Variants in UBR3 observed in about 807,000 individuals in gnomAD.
The protein encoded by UBR3 is ubiquitin protein ligase E3 component n-recognin 3, also known as E3 ubiquitin-protein ligase UBR3.
Under a neutral mutation model 243.2 loss-of-function variants are expected in UBR3, and 85 were observed. That is an observed-to-expected ratio of 0.35 (90% CI 0.29 to 0.42). The LOEUF (loss-of-function observed/expected upper bound fraction) is 0.42. Ranked by LOEUF, UBR3 falls within the 10% of genes least tolerant of loss-of-function variation. UBR3 has a pLI of 1.00. For missense variants in UBR3, 1,686 were observed against 2,300.8 expected (o/e 0.73, Z 5.47); for synonymous variants, 748 against 799.8 (o/e 0.94, Z 1.09).
intron 38 of UBR3, 55 bp downstream of exon 38, chr2:170,080,739 C>T (rs1044921976): frequency 1.6e-5 from 25 of 1,553,156 alleles, no homozygotes; most frequent in Non-Finnish European, 2.2e-5. Flanking sequence ...TCAGTGAAAA[C>T]CAATATGCTA....
intron 19 of UBR3, among the ~76,000 whole-genome samples, chr2:169,938,239 T>TA (rs1335852081): frequency 1.3e-5 from 2 of 152,158 alleles, no homozygotes; most frequent in African/African-American, 2.4e-5. Flanking sequence ...ATACTAGACT[T>TA]ATCAGTTATA....
chr2:169,897,793 G>A (rs2084648985), intron 8 of UBR3, among the ~76,000 whole-genome samples: 1 of 152,100 alleles, frequency 6.6e-6, no homozygotes. Flanking sequence ...GAGACACCAC[G>A]CTTGGCCAAT....
At chr2:170,001,277 T>A in intron 26 of UBR3, 27 bp from the exon 27 acceptor site, 2 of 1,473,132 alleles carry the variant, frequency 1.4e-6, no homozygotes, top group Non-Finnish European at 1.9e-6. Flanking sequence ...TAAAATTAAT[T>A]GTATTTGTCT....
intron 11 of UBR3, among the ~76,000 whole-genome samples, chr2:169,921,971 A>G (rs1333858425): frequency 1.3e-5 from 2 of 151,980 alleles, no homozygotes; most frequent in South Asian, 2.1e-4. Context: ...AGTCTGGGGG[A>G]CAGTGCGAGA....
intron 23 of UBR3, among the ~76,000 whole-genome samples, chr2:169,954,662 G>A (rs2087195049): frequency 7.0e-6 from 1 of 143,280 alleles, no homozygotes. Context: ...TGCAACCTCT[G>A]CCTCCTAGGT....
At chr2:170,004,989 C>T (rs1574380413) in intron 27 of UBR3, among the ~76,000 whole-genome samples, 1 of 151,754 alleles carries the variant, frequency 6.6e-6, no homozygotes, top group Admixed American at 6.6e-5. Context: ...TTTGGGAGGC[C>T]GAGGCGGATG....
In UBR3 at chr2:170,073,607, G is replaced by T; in HGVS notation, c.5199G>T (p.Lys1733Asn). 6.2e-7 allele frequency: 1 copy of T among 1,611,900 alleles called. No homozygotes were observed. Reference protein sequence around the residue: ...SFTERHAEQGKALLIQESKWK... With the variant: ...SFTERHAEQGNALLIQESKWK... Reference sequence around the variant, plus strand: ...CTGAAAGACATGCAGAACAAGGAAAGGTATGTTAAAAGAGTTGTACTAGCT... The same window carrying T: ...CTGAAAGACATGCAGAACAAGGAAATGTATGTTAAAAGAGTTGTACTAGCT... Residue 1733 changes from lysine to asparagine, a missense_variant and splice_region_variant, in exon 36 of 39, where the codon AAG becomes AAT. Lys to Asn is a moderately conservative substitution (Grantham distance 94, BLOSUM62 0). Transcript: ENST00000272793.
intron 35 of UBR3, among the ~76,000 whole-genome samples, chr2:170,066,147 T>C (rs1275304016): frequency 6.6e-6 from 1 of 152,214 alleles, no homozygotes; most frequent in African/African-American, 2.4e-5. Context: ...TAGCAGTACA[T>C]TTTTTAATCA....
chr2:170,057,032 TTC>T (rs1239153664), intron 33 of UBR3, among the ~76,000 whole-genome samples: 6 of 152,228 alleles, frequency 3.9e-5, no homozygotes, highest in African/African-American at 7.2e-5. Flanking sequence ...CAAAATTAAT[TTC>T]TGTCTTTCTT....
Position 170,040,910 on chromosome 2 carries a change from G to A in UBR3, c.4585G>A (p.Val1529Ile), listed in dbSNP as rs760896711. The stretch of plus-strand genomic sequence containing the variant: ...GGGATATGAAGAACAACAGCCTGAG[G>A]TTCCAATTCTTTATCATGATGTAAC... ...QLGYEEQQPE[V>I]PILYHDVTSL... The change falls in exon 32 of 39, where the codon GTT becomes ATT. Residue 1529 changes from valine to isoleucine, a missense_variant. By Grantham distance (29) the Val-to-Ile change is conservative. Coordinates refer to ENST00000272793, the MANE Select transcript of UBR3 (RefSeq NM_172070.4). 6.2e-7 allele frequency: 1 copy of A among 1,613,428 alleles called. No individual in the cohort carries two copies. Among genetic ancestry groups the A allele is most frequent in the Non-Finnish European group, 8.5e-7 (1 of 1,179,702 alleles).
intron 25 of UBR3, among the ~76,000 whole-genome samples, chr2:169,993,736 C>T (rs1156572957): frequency 6.6e-6 from 1 of 152,072 alleles, no homozygotes; most frequent in Non-Finnish European, 1.5e-5. Flanking sequence ...CTCTACTCAC[C>T]CTTTTACCCT....
At chr2:169,967,010 A>G (rs1430478252) in intron 24 of UBR3, among the ~76,000 whole-genome samples, 2 of 152,146 alleles carry the variant, frequency 1.3e-5, no homozygotes, top group South Asian at 2.1e-4. Flanking sequence ...TTGTATGTTA[A>G]CTGTGTACTC....
At chr2:169,856,814 A>G (rs1403214389) in intron 1 of UBR3, among the ~76,000 whole-genome samples, 4 of 140,870 alleles carry the variant, frequency 2.8e-5, no homozygotes, top group African/African-American at 1.1e-4. Context: ...CATCAGAGGG[A>G]GACCGTGCAA....
At chr2:170,080,521 AT>A in intron 37 of UBR3, 23 bp from the exon 38 acceptor site, 1 of 1,557,250 alleles carries the variant, frequency 6.4e-7, no homozygotes, top group Non-Finnish European at 8.7e-7. Flanking sequence ...TATGAAGTTC[AT>A]TAATATATTT....
chr2:170,044,778 C>T (rs2091044256), intron 32 of UBR3, among the ~76,000 whole-genome samples: 1 of 152,122 alleles, frequency 6.6e-6, no homozygotes, highest in Admixed American at 6.6e-5. Context: ...CCCTCATCTC[C>T]CTGTGCCAAG....
chr2:169,907,257 T>G (rs1344843865), intron 10 of UBR3, among the ~76,000 whole-genome samples: 2 of 151,990 alleles, frequency 1.3e-5, no homozygotes, highest in Non-Finnish European at 2.9e-5. Context: ...GGTTCAAATT[T>G]CTAACAGGTC....
In UBR3 at chr2:169,848,766, G is replaced by A. The variant is rs2082567633; in HGVS notation, c.545+20714G>A. Reference sequence around the variant, plus strand: ...TGCCCAGGCTGGAGTGCAGTGGTGTGATCTCGGCTCACTGCAACCTCTGCC... The same window carrying A: ...TGCCCAGGCTGGAGTGCAGTGGTGTAATCTCGGCTCACTGCAACCTCTGCC... On this transcript the variant is annotated intron_variant, in intron 1 of 38. Transcript: ENST00000272793. Among the ~76,000 whole-genome samples, 4 of 147,826 alleles carry A rather than the reference G, an allele frequency of 2.7e-5. No individual in the cohort carries two copies. The Admixed American group carries it at 2.7e-4, about 10-fold the overall frequency.
At chr2:169,892,135 A>G (rs2105325309) in intron 6 of UBR3, among the ~76,000 whole-genome samples, 1 of 152,334 alleles carries the variant, frequency 6.6e-6, no homozygotes, top group South Asian at 2.1e-4. Context: ...CTCAGTTACT[A>G]TGCTGCTGCA....
intron 1 of UBR3, among the ~76,000 whole-genome samples, chr2:169,840,398 G>A (rs1164894957): frequency 6.6e-6 from 1 of 152,212 alleles, no homozygotes; most frequent in African/African-American, 2.4e-5. Flanking sequence ...AGATGTCGGT[G>A]CTCCTGCTCT....
Sources: allele counts gnomAD v4.1 joint callset (sites outside exome capture counted in the v4.1 genomes callset), GRCh38; gene constraint gnomAD v4.1.1; transcripts MANE v1.5; gene names NCBI Gene and HGNC (gene_info 2026-07-23, HGNC 2026-07-21).